Variants in UNC5C observed in about 807,000 individuals in gnomAD.
UNC5C encodes the protein netrin receptor UNC5C.
Under a neutral mutation model 99.8 loss-of-function variants are expected in UNC5C, and 47 were observed. The observed-to-expected ratio is 0.47, with a 90% confidence interval of 0.37 to 0.60. UNC5C has a LOEUF of 0.60. Ranked by LOEUF, UNC5C falls within the 20% of genes least tolerant of loss-of-function variation. The pLI, the probability that UNC5C is intolerant of heterozygous loss-of-function variation, is 0.00. For synonymous variants in UNC5C, 487 were observed against 452.2 expected, an observed-to-expected ratio of 1.08 and a Z score of -0.98; for missense variants, 1,062 against 1,165.9, an observed-to-expected ratio of 0.91 and a Z score of 1.30.
At chr4:95,240,691 T>A (rs969174904) in intron 7 of UNC5C, among the ~76,000 whole-genome samples, 3 of 152,194 alleles carry the variant, frequency 2.0e-5, no homozygotes, top group Admixed American at 2.0e-4. Context: ...TCCTCTTCCC[T>A]GTCAATAGAC....
intron 1 of UNC5C, among the ~76,000 whole-genome samples, chr4:95,420,570 T>C (rs1267609611): frequency 6.6e-6 from 1 of 152,198 alleles, no homozygotes; most frequent in Non-Finnish European, 1.5e-5. Flanking sequence ...TGGCCTAAAC[T>C]CATTAGTCCA....
chr4:95,222,220 A>G (rs1276515977), intron 7 of UNC5C: 6 of 1,501,960 alleles, frequency 4.0e-6, no homozygotes, highest in Non-Finnish European at 5.3e-6. Flanking sequence ...AAGAAAATCC[A>G]TATTCATTCT....
At chr4:95,524,963 C>G (rs966653835) in intron 1 of UNC5C, among the ~76,000 whole-genome samples, 1 of 152,052 alleles carries the variant, frequency 6.6e-6, no homozygotes, top group Non-Finnish European at 1.5e-5. Flanking sequence ...AAGTCAGTTC[C>G]CCATCTGGGT....
At chr4:95,258,697 C>T (rs1740098238) in intron 4 of UNC5C, among the ~76,000 whole-genome samples, 1 of 147,412 alleles carries the variant, frequency 6.8e-6, no homozygotes. Context: ...GCCTATTCTG[C>T]TGTTGTTTGG....
chr4:95,375,816 G>GCCTGTAATC (rs1294215270), intron 1 of UNC5C, among the ~76,000 whole-genome samples: 1 of 152,136 alleles, frequency 6.6e-6, no homozygotes, highest in Non-Finnish European at 1.5e-5. Flanking sequence ...GGTGGCTCAC[G>GCCTGTAATC]CCTGTAATCC....
chr4:95,394,418 T>G (rs564349349), intron 1 of UNC5C, among the ~76,000 whole-genome samples: 85 of 152,336 alleles, frequency 5.6e-4, no homozygotes, highest in South Asian at 1.4e-3. Flanking sequence ...GATCGACTTT[T>G]ACCCACCCTA....
At chr4:95,501,768 A>G (rs571170444) in intron 1 of UNC5C, among the ~76,000 whole-genome samples, 1 of 152,238 alleles carries the variant, frequency 6.6e-6, no homozygotes, top group South Asian at 2.1e-4. Context: ...TTCAGGATTC[A>G]GTTTTGAGGG....
chr4:95,503,337 T>C (rs1721828575), intron 1 of UNC5C, among the ~76,000 whole-genome samples: 1 of 152,126 alleles, frequency 6.6e-6, no homozygotes, highest in Non-Finnish European at 1.5e-5. Context: ...TTCAGAACTG[T>C]GAACTTTTTT....
At chr4:95,422,817 G>A (rs1222405677) in intron 1 of UNC5C, among the ~76,000 whole-genome samples, 1 of 152,094 alleles carries the variant, frequency 6.6e-6, no homozygotes, top group East Asian at 1.9e-4. Flanking sequence ...ATTTATATGC[G>A]TATTTGCACA....
chr4:95,479,103 A>G (rs1192997864), intron 1 of UNC5C, among the ~76,000 whole-genome samples: 2 of 151,990 alleles, frequency 1.3e-5, no homozygotes, highest in Non-Finnish European at 2.9e-5. Context: ...ACCCAGCCTC[A>G]GGTACTCCTT....
At chr4:95,195,301 G>A (rs936136188) in intron 12 of UNC5C, among the ~76,000 whole-genome samples, 1 of 152,202 alleles carries the variant, frequency 6.6e-6, no homozygotes, top group Non-Finnish European at 1.5e-5. Context: ...CCTGACTCGA[G>A]CTTTGCTGCT....
chr4:95,381,170 T>G (rs1341625053), intron 1 of UNC5C, among the ~76,000 whole-genome samples: 3 of 152,178 alleles, frequency 2.0e-5, no homozygotes, highest in Non-Finnish European at 4.4e-5. Flanking sequence ...AGAAAAAAAT[T>G]TCTTATAGGT....
intron 12 of UNC5C, among the ~76,000 whole-genome samples, chr4:95,187,534 A>G (rs140884936): frequency 3.2e-4 from 49 of 152,322 alleles, no homozygotes; most frequent in Non-Finnish European, 6.0e-4. Context: ...AAAAAACCCA[A>G]ACTGCCTATT....
In UNC5C at chr4:95,415,465, T is replaced by C. The variant is rs1477509174; in HGVS notation, c.125-79834A>G. On this transcript the variant is annotated intron_variant, in intron 1 of 15. Transcript: ENST00000453304. ...CATAGCAAACTCTTGGAGTTGTCCT[T>C]AAGAAAACCAACCAAAGAAGCAAAC... Among the ~76,000 whole-genome samples the C allele has an allele frequency of 7.2e-5, 11 of 152,224 alleles. No homozygotes were observed. In the East Asian group the frequency reaches 2.1e-3, roughly 29 times the overall value.
chr4:95,369,829 T>C (rs551717407), intron 1 of UNC5C, among the ~76,000 whole-genome samples: 31 of 151,956 alleles, frequency 2.0e-4, no homozygotes, highest in African/African-American at 6.3e-4. Context: ...AAGGACGGCA[T>C]TGCAGAGGAA....
At chr4:95,170,571 CTT>C (rs2149343510) in intron 14 of UNC5C, among the ~76,000 whole-genome samples, 1 of 152,170 alleles carries the variant, frequency 6.6e-6, no homozygotes, top group East Asian at 1.9e-4. Context: ...ATTTGTGAGT[CTT>C]TGGTGAGGAC....
intron 2 of UNC5C, among the ~76,000 whole-genome samples, chr4:95,324,203 C>G (rs1384328295): frequency 6.6e-6 from 1 of 152,120 alleles, no homozygotes; most frequent in Non-Finnish European, 1.5e-5. Flanking sequence ...ACATCCTGAG[C>G]TCTGCCTCCT....
chr4:95,300,637 T>C (rs1157872998), intron 3 of UNC5C, among the ~76,000 whole-genome samples: 1 of 152,256 alleles, frequency 6.6e-6, no homozygotes, highest in African/African-American at 2.4e-5. Context: ...TACAGTCTAA[T>C]TCCTACTAGA....
chr4:95,329,313 A>G (rs557607162), intron 2 of UNC5C, among the ~76,000 whole-genome samples: 1 of 152,280 alleles, frequency 6.6e-6, no homozygotes, highest in South Asian at 2.1e-4. Context: ...AATAAATTTA[A>G]AAGTATCACA....
Sources: allele counts gnomAD v4.1 joint callset (sites outside exome capture counted in the v4.1 genomes callset), GRCh38; gene constraint gnomAD v4.1.1; transcripts MANE v1.5; gene names NCBI Gene and HGNC (gene_info 2026-07-23, HGNC 2026-07-21).